The following FBXO38 variants were observed in gnomAD, a reference collection of about 807,000 sequenced individuals.
FBXO38 encodes F-box protein 38.
A neutral mutation model predicts 131.9 loss-of-function variants in FBXO38; 53 were observed. The ratio of observed to expected loss-of-function variants is 0.40; its 90% confidence interval spans 0.32 to 0.51. The LOEUF is 0.51. FBXO38 is among the 20% of genes least tolerant of loss of function. FBXO38 has a pLI of 0.53. For missense variants in FBXO38, 1,076 were observed against 1,475.6 expected (o/e 0.73, Z 4.44); for synonymous variants, 452 against 505.6 (o/e 0.89, Z 1.42).
At chr5:148,406,108 T>C in intron 6 of FBXO38, 149 bp from the exon 7 acceptor site, 1 of 681,480 alleles carries the variant, frequency 1.5e-6, no homozygotes, top group Non-Finnish European at 2.3e-6. Context: ...GCTAACACTT[T>C]CATTTGTAAC....
chr5:148,388,373 C>G (rs143533338), intron 1 of FBXO38, among the ~76,000 whole-genome samples: 1 of 152,202 alleles, frequency 6.6e-6, no homozygotes, highest in East Asian at 1.9e-4. Context: ...CATTCTCTAA[C>G]AAGATAATCA....
chr5:148,389,495 G>A (rs1160364067), intron 1 of FBXO38, among the ~76,000 whole-genome samples: 1 of 152,200 alleles, frequency 6.6e-6, no homozygotes, highest in Non-Finnish European at 1.5e-5. Flanking sequence ...TTTCTCTAAT[G>A]CCGATAACTG....
At chr5:148,428,042 CAAATT>C (rs1753825140) in intron 15 of FBXO38, 95 bp downstream of exon 15, 10 of 1,335,322 alleles carry the variant, frequency 7.5e-6, no homozygotes, top group Non-Finnish European at 9.8e-6. Context: ...GCCAGTTTGG[CAAATT>C]AAATTCTATT....
intron 1 of FBXO38, 21 bp from the exon 2 acceptor site, chr5:148,394,693 T>C: frequency 1.5e-6 from 2 of 1,356,096 alleles, no homozygotes; most frequent in Non-Finnish European, 1.9e-6. Flanking sequence ...TTTAGTCTAC[T>C]TCGTTCTGTT....
intron 9 of FBXO38, 45 bp downstream of exon 9, chr5:148,410,810 T>G: frequency 5.2e-6 from 8 of 1,548,154 alleles, no homozygotes; most frequent in Non-Finnish European, 7.0e-6. Context: ...TGTAAGAAAT[T>G]TACTTGACAA....
In FBXO38 at chr5:148,427,225, G is replaced by A; in HGVS notation, c.1931G>A (p.Gly644Asp). ...QSRELSVSGK[G>D]KTPLRKRYNS... Reference sequence around the variant, plus strand: ...TTTCTATAAGCAGTAAGTGGAAAAGGCAAGACTCCACTTCGAAAGAGGTAC... The same window carrying A: ...TTTCTATAAGCAGTAAGTGGAAAAGACAAGACTCCACTTCGAAAGAGGTAC... The change falls in exon 15 of 22, where the codon GGC becomes GAC. Residue 644 changes from glycine to aspartate, a missense_variant. Gly to Asp is a moderately conservative substitution (Grantham distance 94). This residue lies in a region of FBXO38 where 212 missense variants were observed against 221.2 expected (regional missense o/e 0.96). Coordinates refer to ENST00000340253, the MANE Select transcript of FBXO38 (RefSeq NM_205836.3). The A allele has an allele frequency of 2.5e-6, 4 of 1,594,180 alleles. No individual in the cohort carries two copies. The highest frequency in any genetic ancestry group is 3.4e-6 in the Non-Finnish European group (4 of 1,169,330).
chr5:148,421,934 C>G (rs1236275143), intron 12 of FBXO38, among the ~76,000 whole-genome samples: 3 of 152,156 alleles, frequency 2.0e-5, no homozygotes, highest in Non-Finnish European at 4.4e-5. Context: ...TTCCTACCTG[C>G]TCTCCAAGAC....
chr5:148,419,884 A>AT (rs1283636064), intron 12 of FBXO38, among the ~76,000 whole-genome samples: 1 of 152,158 alleles, frequency 6.6e-6, no homozygotes, highest in Admixed American at 6.5e-5. Context: ...GGGGCATTGT[A>AT]TAATTTTAAA....
At chr5:148,398,676 GT>G (rs200385007) in intron 2 of FBXO38, among the ~76,000 whole-genome samples, 199 of 142,040 alleles carry the variant, frequency 1.4e-3, no homozygotes, top group African/African-American at 1.5e-3. Flanking sequence ...GAAAAGCACT[GT>G]TTTTTTTTTT....
At chr5:148,386,599 G>T (rs948632693) in intron 1 of FBXO38, among the ~76,000 whole-genome samples, 5 of 152,122 alleles carry the variant, frequency 3.3e-5, no homozygotes, top group Non-Finnish European at 7.4e-5. Flanking sequence ...CTGGGATTCT[G>T]TAATTCTGTC....
intron 9 of FBXO38, among the ~76,000 whole-genome samples, chr5:148,412,287 AG>A (rs1036398941): frequency 7.9e-5 from 12 of 152,214 alleles, no homozygotes; most frequent in African/African-American, 2.4e-4. Flanking sequence ...TCTCTGTTTC[AG>A]AATAGGTGCC....
intron 9 of FBXO38, among the ~76,000 whole-genome samples, chr5:148,412,520 A>G (rs1356539422): frequency 2.6e-5 from 4 of 152,176 alleles, no homozygotes; most frequent in Non-Finnish European, 5.9e-5. Context: ...GAATCTTTAG[A>G]GAGTTCTTTG....
In FBXO38 at chr5:148,442,069, T is replaced by A. The variant is rs1042198823; in HGVS notation, c.3489T>A (p.Gly1163=). 6.2e-7 allele frequency: 1 copy of A among 1,613,814 alleles called. No homozygotes were observed. The highest frequency in any genetic ancestry group is 1.7e-5 in the Admixed American group (1 of 59,978). ...EISEMRQMKK[G]VFQRVVAIFI... ...CAGAGATGCGTCAGATGAAGAAGGGTGTATTTCAGCGAGTAGTGGCAATTT... is the reference window on the plus strand; with the variant it reads ...CAGAGATGCGTCAGATGAAGAAGGGAGTATTTCAGCGAGTAGTGGCAATTT... The change falls in exon 22 of 22, where the codon GGT becomes GGA. Residue 1163 remains glycine (G), a synonymous_variant. Transcript: ENST00000340253.
chr5:148,390,467 C>T (rs1280684343), intron 1 of FBXO38, among the ~76,000 whole-genome samples: 3 of 152,176 alleles, frequency 2.0e-5, no homozygotes, highest in African/African-American at 7.2e-5. Flanking sequence ...TATTCACCTG[C>T]CTGGTAAGAA....
At chr5:148,393,394 C>T (rs1758316277) in intron 1 of FBXO38, among the ~76,000 whole-genome samples, 1 of 152,104 alleles carries the variant, frequency 6.6e-6, no homozygotes, top group South Asian at 2.1e-4. Flanking sequence ...AAAAAAACCT[C>T]AGGAACTGCA....
At chr5:148,402,549 T>C in intron 5 of FBXO38, 36 bp downstream of exon 5, 8 of 1,464,256 alleles carry the variant, frequency 5.5e-6, no homozygotes, top group Non-Finnish European at 7.4e-6. Flanking sequence ...TGTAACTCCT[T>C]GAAATGCCAT....
intron 1 of FBXO38, among the ~76,000 whole-genome samples, chr5:148,388,667 C>T (rs191608751): frequency 1.4e-4 from 21 of 152,316 alleles, no homozygotes; most frequent in African/African-American, 3.8e-4. Flanking sequence ...TCACCTCTCT[C>T]GGCCTTCATA....
At position 148,427,692 on chromosome 5, in the gene FBXO38, A is replaced by G. The variant is rs1581281495; in HGVS notation, c.2398A>G (p.Ser800Gly). Residue 800 changes from serine (S) to glycine (G), a missense_variant, in exon 15 of 22, where the codon AGC (serine) becomes GGC (glycine). By Grantham distance (56) the Ser-to-Gly change is moderately conservative. Around this residue, in one of 8 missense-constraint regions of FBXO38, gnomAD observed 213 missense variants for 225.2 expected, o/e 0.95. Coordinates refer to ENST00000340253, the MANE Select transcript of FBXO38 (RefSeq NM_205836.3). ...TTCTGATGAGGAACGTCCTTCAACC[A>G]GCCGAGCCTGTGTTGTGAATGGCCC... ...RCSDEERPST[S>G]RACVVNGPDG... 1 of 1,614,194 alleles carries G rather than the reference A, an allele frequency of 6.2e-7. No individual in the cohort carries two copies. Among genetic ancestry groups the G allele is most frequent in the Non-Finnish European group, 8.5e-7 (1 of 1,180,030 alleles).
chr5:148,433,060 A>G (rs1013980804), intron 15 of FBXO38, among the ~76,000 whole-genome samples: 2 of 152,246 alleles, frequency 1.3e-5, no homozygotes, highest in African/African-American at 2.4e-5. Flanking sequence ...GCATTGAAAC[A>G]TTCACTAAGC....
Sources: gnomAD v4.1 joint callset for allele counts (sites outside exome capture counted in the v4.1 genomes callset) on GRCh38, gnomAD v4.1.1 for gene constraint, gnomAD v4.1.1 regional missense constraint, MANE v1.5 for transcripts, NCBI Gene and HGNC (gene_info 2026-07-23, HGNC 2026-07-21) for gene names.